Variants in SLC35D1 observed in about 807,000 individuals in gnomAD.
SLC35D1 encodes solute carrier family 35 member D1.
SLC35D1 carries 31 observed loss-of-function variants against 46.7 expected under a neutral mutation model. That is an observed-to-expected ratio of 0.66 (90% CI 0.50 to 0.90). The LOEUF (loss-of-function observed/expected upper bound fraction) is 0.90. SLC35D1 is among the 40% of genes least tolerant of loss of function. The pLI, the probability that SLC35D1 is intolerant of heterozygous loss-of-function variation, is 0.00. For missense variants in SLC35D1, 397 were observed against 426.2 expected (o/e 0.93, Z 0.60); for synonymous variants, 195 against 164.6 (o/e 1.18, Z -1.41).
rs2102224525 is a variant in SLC35D1, at chr1:67,003,881, A to T, written c.*459T>A. ...TGAAGACAATGCAATCATAAGAAAT[A>T]AGATTCAAAGAAGAGAAATTTCACA... On this transcript the variant is annotated 3_prime_UTR_variant, in exon 12 of 12. Transcript: ENST00000235345. 4.8e-6 allele frequency: 1 copy of T among 206,686 alleles called. No homozygotes were observed. The highest frequency in any genetic ancestry group is 1.2e-4 in the East Asian group (1 of 8,274). The allele number at this position is 206,686 out of a possible 1,614,324, so 12.8% of individuals were successfully genotyped here.
At chr1:67,013,169 T>TATA (rs1558151596) in intron 10 of SLC35D1, among the ~76,000 whole-genome samples, 15 of 134,662 alleles carry the variant, frequency 1.1e-4, no homozygotes, top group African/African-American at 4.2e-4. Flanking sequence ...TATATATATA[T>TATA]CCTGTTCTTA....
the SLC35D1 span, among the ~76,000 whole-genome samples, chr1:66,982,501 T>C: frequency 6.6e-6 from 1 of 152,212 alleles, no homozygotes; most frequent in East Asian, 1.9e-4. Context: ...AAATATACAG[T>C]GGACCAGAGA....
chr1:66,995,476 A>C (rs1321534756), downstream of SLC35D1, among the ~76,000 whole-genome samples: 1 of 105,958 alleles, frequency 9.4e-6, no homozygotes, highest in Admixed American at 1.0e-4. Context: ...AAAAAAAAAA[A>C]AAAAAACAGA....
the SLC35D1 span, chr1:66,987,684 G>A: frequency 7.5e-6 from 1 of 134,062 alleles, no homozygotes; most frequent in Non-Finnish European, 1.6e-5. Context: ...ACATAATACT[G>A]TGTGAATATT....
At chr1:66,978,386 T>G in the SLC35D1 span, among the ~76,000 whole-genome samples, 1 of 152,176 alleles carries the variant, frequency 6.6e-6, no homozygotes, top group East Asian at 1.9e-4. Flanking sequence ...GATTCACCCT[T>G]GGAAATCATG....
intron 8 of SLC35D1, among the ~76,000 whole-genome samples, chr1:67,037,216 G>T (rs1668142349): frequency 6.6e-6 from 1 of 152,006 alleles, no homozygotes; most frequent in Admixed American, 6.6e-5. Flanking sequence ...TGTAAAATAA[G>T]AGTAGTTTAC....
chr1:67,047,412 C>G (rs763800777), intron 6 of SLC35D1, 45 bp from the exon 7 acceptor site: 2 of 1,481,368 alleles, frequency 1.4e-6, no homozygotes, highest in Admixed American at 3.4e-5. Flanking sequence ...AAAGAACATG[C>G]ATTTAATTTT....
chr1:67,035,760 C>T, intron 8 of SLC35D1, among the ~76,000 whole-genome samples: 1 of 142,618 alleles, frequency 7.0e-6, no homozygotes. Flanking sequence ...ACTTGCTTTT[C>T]TAGTTCTTTA....
At chr1:67,036,699 G>C (rs1668130093) in intron 8 of SLC35D1, among the ~76,000 whole-genome samples, 1 of 139,462 alleles carries the variant, frequency 7.2e-6, no homozygotes, top group Non-Finnish European at 1.6e-5. Context: ...GTAAGCAACA[G>C]ATCACTGGGT....
At chr1:66,991,803 T>A in the SLC35D1 span, among the ~76,000 whole-genome samples, 2 of 152,038 alleles carry the variant, frequency 1.3e-5, no homozygotes, top group African/African-American at 2.4e-5. Flanking sequence ...GCTTTTTTTT[T>A]TATATCATAC....
downstream of SLC35D1, among the ~76,000 whole-genome samples, chr1:66,995,728 C>T (rs953646825): frequency 6.6e-6 from 1 of 152,262 alleles, no homozygotes. Flanking sequence ...AGTTGTTTTT[C>T]AGGAATCAGC....
chr1:67,047,168 T>C, intron 7 of SLC35D1, 97 bp downstream of exon 7: 1 of 896,892 alleles, frequency 1.1e-6, no homozygotes, highest in Non-Finnish European at 1.8e-6. Flanking sequence ...GTCTTTCTCA[T>C]CCCCAGTAAG....
intron 8 of SLC35D1, among the ~76,000 whole-genome samples, chr1:67,023,402 C>T (rs1050910470): frequency 6.6e-6 from 1 of 152,012 alleles, no homozygotes; most frequent in African/African-American, 2.4e-5. Context: ...TTGCATTTCC[C>T]TAAAGACTAT....
At chr1:67,008,560 T>C (rs2102236405) in intron 11 of SLC35D1, 4 of 794,774 alleles carry the variant, frequency 5.0e-6, no homozygotes, top group Non-Finnish European at 7.0e-6. Flanking sequence ...CTATTGAATC[T>C]ACTAAATCTA....
intron 4 of SLC35D1, 112 bp from the exon 5 acceptor site, chr1:67,050,616 T>C: frequency 1.2e-6 from 1 of 868,694 alleles, no homozygotes; most frequent in Non-Finnish European, 1.9e-6. Flanking sequence ...GGAAATTCCA[T>C]ACAAATTAAT....
intron 8 of SLC35D1, among the ~76,000 whole-genome samples, chr1:67,031,541 T>C (rs1053735244): frequency 2.0e-5 from 3 of 152,130 alleles, no homozygotes; most frequent in Non-Finnish European, 4.4e-5. Flanking sequence ...TTTCCATCTG[T>C]ACTGCCGCAA....
chr1:66,974,433 T>TTG, the SLC35D1 span, among the ~76,000 whole-genome samples: 14 of 151,682 alleles, frequency 9.2e-5, no homozygotes, highest in African/African-American at 2.9e-4. Flanking sequence ...AGGTTTTTTT[T>TTG]TTGTTGTTGT....
intron 11 of SLC35D1, 94 bp downstream of exon 11, chr1:67,008,991 T>TAA (rs1251506676): frequency 1.6e-6 from 1 of 639,938 alleles, no homozygotes; most frequent in Non-Finnish European, 2.9e-6. Context: ...TAATAATGAA[T>TAA]AAATGTTCCA....
intron 8 of SLC35D1, among the ~76,000 whole-genome samples, chr1:67,030,303 A>C (rs1394619749): frequency 1.3e-5 from 2 of 152,186 alleles, no homozygotes; most frequent in African/African-American, 2.4e-5. Context: ...CATAAAAGAA[A>C]TCTCAGCCCT....
Sources: gnomAD v4.1 joint callset for allele counts (sites outside exome capture counted in the v4.1 genomes callset) on GRCh38, gnomAD v4.1.1 for gene constraint, MANE v1.5 for transcripts, NCBI Gene and HGNC (gene_info 2026-07-23, HGNC 2026-07-21) for gene names.